The following UNC13D variants were observed in gnomAD, a reference collection of about 807,000 sequenced individuals.
UNC13D encodes the protein protein unc-13 homolog D.
A neutral mutation model predicts 151.7 loss-of-function variants in UNC13D; 115 were observed. The ratio of observed to expected loss-of-function variants is 0.76; its 90% CI spans 0.65 to 0.88. The LOEUF (loss-of-function observed/expected upper bound fraction) is 0.88. Among genes scored for constraint, UNC13D ranks in the 40% least tolerant of loss-of-function variants. The pLI, the probability that UNC13D is intolerant of heterozygous loss-of-function variation, is 0.00. For missense variants in UNC13D, 1,369 were observed against 1,438.7 expected, an observed-to-expected ratio of 0.95 and a Z score of 0.78; for synonymous variants, 588 against 612.2, an observed-to-expected ratio of 0.96 and a Z score of 0.58.
At chr17:75,835,118 T>G in intron 20 of UNC13D, 55 bp from the exon 21 acceptor site, 1 of 1,605,108 alleles carries the variant, frequency 6.2e-7, no homozygotes, top group South Asian at 1.1e-5. Flanking sequence ...CTTCCCTCCT[T>G]CCTTCATTCA....
rs761905559 is a variant in UNC13D at position 75,834,441 on chromosome 17, C to A, written c.2182G>T (p.Val728Leu). The A allele has an allele frequency of 3.2e-6, 5 of 1,566,070 alleles. No individual in the cohort carries two copies. The highest frequency in any genetic ancestry group is 4.3e-6 in the Non-Finnish European group (5 of 1,160,326). The part of the protein sequence containing the change: ...QLAWEALEQR[V>L]GAVLEQGQLQ... ...TGCCCCTGCTCCAGCACGGCCCCTA[C>A]CCGCTGCTCCAGGGCCTCCCATGCC... The change falls in exon 23 of 32, where the codon GTA (valine) becomes TTA (leucine). Residue 728 changes from valine to leucine, a missense_variant. Around this residue, in one of 3 missense-constraint regions of UNC13D, gnomAD observed 807 missense variants for 795.5 expected, o/e 1.01. Coordinates refer to ENST00000207549, the MANE Select transcript of UNC13D (RefSeq NM_199242.3).
intron 12 of UNC13D, among the ~76,000 whole-genome samples, chr17:75,837,766 A>AG (rs2143885761): frequency 6.6e-6 from 1 of 150,822 alleles, no homozygotes; most frequent in Non-Finnish European, 1.5e-5. Flanking sequence ...AAAAAAAAAA[A>AG]GAAAAGAAAA....
rs958957657 is a variant in UNC13D, at chr17:75,834,716, C to T, written c.1993G>A (p.Asp665Asn). 1 of 1,613,322 alleles carries T rather than the reference C, an allele frequency of 6.2e-7. No homozygotes were observed. Among genetic ancestry groups the T allele is most frequent in the Non-Finnish European group, 8.5e-7 (1 of 1,179,966 alleles). ...AFMITVKFVEDTCRLALVYCS... is the reference protein window; with the variant it reads ...AFMITVKFVENTCRLALVYCS... ...TACACCAGGGCCAGGCGACAGGTGT[C>T]CTAGGGTGGGGTTGGACAGAGGGAA... is the stretch of plus-strand genomic sequence containing the variant. Residue 665 changes from aspartate (D) to asparagine (N), a missense_variant and splice_region_variant, in exon 22 of 32, where the codon GAC becomes AAC. Physicochemically the swap from Asp to Asn is conservative, Grantham distance 23. Transcript: ENST00000207549.
At chr17:75,834,240 G>A (rs2064890913) in intron 23 of UNC13D, 85 bp downstream of exon 23, 3 of 1,586,270 alleles carry the variant, frequency 1.9e-6, no homozygotes, top group African/African-American at 1.3e-5. Flanking sequence ...AAGGGGTCAG[G>A]GTTGGACCTT....
chr17:75,830,606 T>C lies in UNC13D; in HGVS notation c.2681A>G (p.Lys894Arg). 1 of 1,559,724 alleles carries C rather than the reference T, an allele frequency of 6.4e-7. No individual in the cohort carries two copies. The highest frequency in any genetic ancestry group is 8.7e-7 in the Non-Finnish European group (1 of 1,152,082). ...QAASSRELIR[K>R]YFCSRIQQQA... The stretch of plus-strand genomic sequence containing the variant: ...CTGCTGGATTCGGCTGCAGAAGTAC[T>C]TCCGGATGAGTTCCCGGCTGGAGGC... The change falls in exon 28 of 32, where the codon AAG becomes AGG. Residue 894 changes from lysine (K) to arginine (R), a missense_variant. Transcript: ENST00000207549.
rs1344385891 is a variant in UNC13D at position 75,832,725 on chromosome 17, G to A, written c.2447+241C>T. The A allele has an allele frequency of 6.5e-6, 3 of 460,264 alleles. No homozygotes were observed. The highest frequency in any genetic ancestry group is 1.2e-5 in the Non-Finnish European group (3 of 245,516). 28.5% of individuals were successfully genotyped at this position (460,264 alleles called of 1,614,324 possible). A position where few individuals can be genotyped will look rare whatever the true frequency, so the allele number is the denominator to read the frequency against. ...GTGGCAAGCTCCCCGTCCCTGCAGC[G>A]AGCCTTAGCAGAGCCTGTTGCACCC... On this transcript the variant is annotated intron_variant, in intron 25 of 31. Coordinates refer to ENST00000207549, the MANE Select transcript of UNC13D (RefSeq NM_199242.3). This position sits in a 1 kb window ranked among gnomAD's most constrained non-coding sequence, Gnocchi z 4.3.
chr17:75,831,034 T>A (rs948386155), intron 27 of UNC13D, 64 bp downstream of exon 27: 1 of 1,589,090 alleles, frequency 6.3e-7, no homozygotes, highest in Non-Finnish European at 8.6e-7. Context: ...ACCCTGGACA[T>A]AGGTGAGTGC....
intron 1 of UNC13D, 67 bp downstream of exon 1, chr17:75,844,154 G>A (rs1164335019): frequency 6.3e-7 from 1 of 1,581,868 alleles, no homozygotes; most frequent in East Asian, 2.2e-5. Flanking sequence ...CCAGACAGCA[G>A]GGCACCCGTA....
At position 75,835,406 on chromosome 17, in the gene UNC13D, C is replaced by CA. The variant is rs774635307; in HGVS notation, c.1848+2dup. The CA allele has an allele frequency of 3.4e-5, 54 of 1,611,498 alleles. No homozygotes were observed. The highest frequency in any genetic ancestry group is 4.5e-5 in the Non-Finnish European group (53 of 1,179,668). On this transcript the variant is annotated splice_region_variant and intron_variant, in intron 20 of 31. Coordinates refer to ENST00000207549, the MANE Select transcript of UNC13D (RefSeq NM_199242.3). ...CCGCCCCCTGCCCTGGCCACGCCCC[C>CA]ACCTCATCCATCTGCACAGCGCGCT... is the stretch of plus-strand genomic sequence containing the variant.
chr17:75,836,662 A>C lies in UNC13D; in HGVS notation c.1208T>G (p.Leu403Arg). The change falls in exon 14 of 32, where the codon CTG (leucine) becomes CGG (arginine). Residue 403 changes from leucine to arginine, a missense_variant. By Grantham distance (102) the Leu-to-Arg change is moderately radical. This residue lies in a region of UNC13D where 550 missense variants were observed against 609.0 expected (regional missense o/e 0.90). Transcript: ENST00000207549. ...EELAASFSSLLTYGLSLIRRF... is the reference protein window; with the variant it reads ...EELAASFSSLRTYGLSLIRRF... ...CCGGATGAGGGAGAGGCCGTAGGTC[A>C]GCAGGGAGCTGAATGAGGCGGCCAG... 6.2e-7 allele frequency: 1 copy of C among 1,613,804 alleles called. No individual in the cohort carries two copies. The highest frequency in any genetic ancestry group is 8.5e-7 in the Non-Finnish European group (1 of 1,180,032).
rs1362138311 is a variant in UNC13D, at chr17:75,832,753, AAGGG to A, written c.2447+209_2447+212del. On this transcript the variant is annotated intron_variant, in intron 25 of 31. Coordinates refer to ENST00000207549, the MANE Select transcript of UNC13D (RefSeq NM_199242.3). This position sits in a 1 kb window ranked among gnomAD's most constrained non-coding sequence, Gnocchi z 4.3. The stretch of plus-strand genomic sequence containing the variant: ...CCTTAGCAGAGCCTGTTGCACCCAT[AAGGG>A]AGGTCACCAAAGGGATTCACCTCCA... 1.1e-5 allele frequency: 6 copies of A among 537,670 alleles called. No individual in the cohort carries two copies. The allele number at this position is 537,670 out of a possible 1,614,324, so 33.3% of individuals were successfully genotyped here. A position where few individuals can be genotyped will look rare whatever the true frequency, so the allele number is the denominator to read the frequency against.
Position 75,833,149 on chromosome 17 carries a change from T to C in UNC13D, c.2368-104A>G. ...GAGGAAACAGGGCTGGGAACCGTTC[T>C]GTGAGAGCAGTTTGTAGTGTCTGTA... On this transcript the variant is annotated intron_variant, in intron 24 of 31. Coordinates refer to ENST00000207549, the MANE Select transcript of UNC13D (RefSeq NM_199242.3). This position sits in a 1 kb window ranked among gnomAD's most constrained non-coding sequence, Gnocchi z 4.0. 8.5e-7 allele frequency: 1 copy of C among 1,179,614 alleles called. No individual in the cohort carries two copies. Among genetic ancestry groups the C allele is most frequent in the Non-Finnish European group, 1.2e-6 (1 of 817,494 alleles). 73.1% of individuals were successfully genotyped at this position (1,179,614 alleles called of 1,614,324 possible).
intron 12 of UNC13D, among the ~76,000 whole-genome samples, chr17:75,838,264 G>A (rs1286861259): frequency 5.3e-5 from 8 of 151,280 alleles, no homozygotes; most frequent in Non-Finnish European, 1.2e-4. Context: ...TGTCGCCCAG[G>A]CTGGAGTGCA....
At chr17:75,837,171 T>C (rs1229047832) in intron 12 of UNC13D, among the ~76,000 whole-genome samples, 1 of 151,744 alleles carries the variant, frequency 6.6e-6, no homozygotes, top group African/African-American at 2.4e-5. Flanking sequence ...GTTCAAGCGA[T>C]TCTCCAGCCT....
Position 75,843,602 on chromosome 17 carries a change from TC to T in UNC13D, c.118-84del, listed in dbSNP as rs1302849500. The T allele has an allele frequency of 3.0e-5, 47 of 1,571,116 alleles. 1 individual carries two copies. Among genetic ancestry groups the T allele is most frequent in the Non-Finnish European group, 3.3e-5 (38 of 1,159,768 alleles). On this transcript the variant is annotated intron_variant, in intron 1 of 31. Transcript: ENST00000207549. ...CAGGAATGGCTCCTCTGAGGCCTGA[TC>T]CAGGCCAAGGGTATGGGGGCCCCAG...
Position 75,840,342 on chromosome 17 carries a change from G to A in UNC13D, c.754-13C>T, listed in dbSNP as rs200887966. ...GGCAGCGCAGGTCCTGACAGGCGGG[G>A]ATGCCCAGCCCGTGAGCGTCAGAAC... On this transcript the variant is annotated splice_polypyrimidine_tract_variant and intron_variant, in intron 9 of 31. Coordinates refer to ENST00000207549, the MANE Select transcript of UNC13D (RefSeq NM_199242.3). This position sits in a 1 kb window ranked among gnomAD's most constrained non-coding sequence, Gnocchi z 4.6. The A allele has an allele frequency of 6.2e-7, 1 of 1,612,994 alleles. No individual in the cohort carries two copies. The highest frequency in any genetic ancestry group is 1.3e-5 in the African/African-American group (1 of 75,004).
chr17:75,843,539 G>C lies in UNC13D; in HGVS notation c.118-20C>G. On this transcript the variant is annotated intron_variant, in intron 1 of 31. Coordinates refer to ENST00000207549, the MANE Select transcript of UNC13D (RefSeq NM_199242.3). ...CTGGATCTGCAGAGCAAGGTGGAAA[G>C]GCAGTGTCCCGGGAGGCCCAGAGCA... 6.2e-7 allele frequency: 1 copy of C among 1,610,578 alleles called. No individual in the cohort carries two copies. The highest frequency in any genetic ancestry group is 2.2e-5 in the East Asian group (1 of 44,812).
In UNC13D at chr17:75,836,892, T is replaced by A; in HGVS notation, c.1082A>T (p.Tyr361Phe). ...MAQWLAYSRL[Y>F]QSLEFPSSCL... ...GCTGCTGGGGAACTCCAGGCTCTGG[T>A]AGAGGCGGCTGTAGGCCAGCCACTG... Residue 361 changes from tyrosine to phenylalanine, a missense_variant, in exon 13 of 32, where the codon TAC becomes TTC. By Grantham distance (22) the Tyr-to-Phe change is conservative (BLOSUM62 3). Around this residue, in one of 3 missense-constraint regions of UNC13D, gnomAD observed 550 missense variants for 609.0 expected, o/e 0.90. Transcript: ENST00000207549. 1 of 1,613,224 alleles carries A rather than the reference T, an allele frequency of 6.2e-7. No homozygotes were observed. The highest frequency in any genetic ancestry group is 1.1e-5 in the South Asian group (1 of 91,056).
At chr17:75,831,385 C>T in intron 25 of UNC13D, 37 bp from the exon 26 acceptor site, 5 of 1,582,694 alleles carry the variant, frequency 3.2e-6, no homozygotes, top group Non-Finnish European at 3.4e-6. Context: ...CACAGCACGG[C>T]AGGGCGGTGG....
Sources: gnomAD v4.1 joint callset for allele counts (sites outside exome capture counted in the v4.1 genomes callset) on GRCh38, gnomAD v4.1.1 for gene constraint, gnomAD v4.1.1 regional missense constraint, Gnocchi (gnomAD v3.1) non-coding constraint, MANE v1.5 for transcripts, NCBI Gene and HGNC (gene_info 2026-07-23, HGNC 2026-07-21) for gene names.